The following PARD3 variants were observed in gnomAD, a reference collection of about 807,000 sequenced individuals.
PARD3 encodes the protein partitioning defective 3 homolog.
In PARD3, 75 loss-of-function variants were observed where a neutral mutation model predicts 155.4. That is an observed-to-expected ratio of 0.48 (90% CI 0.40 to 0.58). The LOEUF is 0.58. Among genes scored for constraint, PARD3 ranks in the 20% least tolerant of loss-of-function variants. The pLI, the probability that PARD3 is intolerant of heterozygous loss-of-function variation, is 0.00. For missense variants in PARD3, 1,642 were observed against 1,721.7 expected (o/e 0.95, Z 0.82); for synonymous variants, 576 against 610.5 (o/e 0.94, Z 0.83).
Position 34,815,078 on chromosome 10 carries a change from G to A in PARD3, c.-83C>T. On this transcript the variant is annotated 5_prime_UTR_variant, in exon 1 of 25. Coordinates refer to ENST00000374788, the MANE Select transcript of PARD3 (RefSeq NM_001184785.2). Reference sequence around the variant, plus strand: ...GGCCGGGACCGAGGACGCTGGGCGCGGAGGAGCCGCTGGGGACTCGGGCGC... The same window carrying A: ...GGCCGGGACCGAGGACGCTGGGCGCAGAGGAGCCGCTGGGGACTCGGGCGC... 2.0e-6 allele frequency: 2 copies of A among 1,021,170 alleles called. No individual in the cohort carries two copies. Among genetic ancestry groups the A allele is most frequent in the Non-Finnish European group, 2.4e-6 (2 of 822,446 alleles). 63.3% of individuals were successfully genotyped at this position (1,021,170 alleles called of 1,614,324 possible). A position where few individuals can be genotyped will look rare whatever the true frequency, so the allele number is the denominator to read the frequency against.
intron 20 of PARD3, among the ~76,000 whole-genome samples, chr10:34,308,144 G>C (rs551462244): frequency 3.3e-5 from 5 of 150,180 alleles, no homozygotes; most frequent in African/African-American, 1.0e-4. Context: ...AGGAAAGAGC[G>C]GTAGGGACAA....
rs771053878 is a variant in PARD3 at position 34,696,330 on chromosome 10, G to A, written c.210C>T (p.Asp70=). ...GACCTGAACTCACTCTGTCTTTATC[G>A]TCTGCTACATCACAAAGAATGTCAT... The part of the protein sequence containing the change: ...DLDDILCDVA[D]DKDRLVAVFD... The change falls in exon 2 of 25, where the codon GAC becomes GAT. Residue 70 remains aspartate, a synonymous_variant. Coordinates refer to ENST00000374788, the MANE Select transcript of PARD3 (RefSeq NM_001184785.2). 1.9e-5 allele frequency: 31 copies of A among 1,602,706 alleles called. No individual in the cohort carries two copies. The highest frequency in any genetic ancestry group is 6.7e-5 in the East Asian group (3 of 44,804).
chr10:34,357,794 C>T (rs1457199018), intron 14 of PARD3, among the ~76,000 whole-genome samples: 1 of 152,102 alleles, frequency 6.6e-6, no homozygotes, highest in Non-Finnish European at 1.5e-5. Flanking sequence ...TTAACTCATT[C>T]TACATTTGGC....
At chr10:34,490,574 T>G (rs1197017027) in intron 3 of PARD3, among the ~76,000 whole-genome samples, 1 of 152,238 alleles carries the variant, frequency 6.6e-6, no homozygotes, top group Non-Finnish European at 1.5e-5. Flanking sequence ...ATTACAGGCA[T>G]GAGCCACCAC....
intron 2 of PARD3, among the ~76,000 whole-genome samples, chr10:34,548,805 A>T (rs930633034): frequency 6.6e-6 from 1 of 151,846 alleles, no homozygotes; most frequent in African/African-American, 2.4e-5. Flanking sequence ...AACAAAAATG[A>T]CATTCACTTC....
intron 2 of PARD3, among the ~76,000 whole-genome samples, chr10:34,674,470 C>A (rs75879646): frequency 6.9e-6 from 1 of 145,052 alleles, no homozygotes; most frequent in South Asian, 2.2e-4. Flanking sequence ...ACCACCTGCA[C>A]GCTCTTGATT....
intron 22 of PARD3, among the ~76,000 whole-genome samples, chr10:34,239,705 C>T (rs764772024): frequency 4.0e-5 from 6 of 150,922 alleles, no homozygotes; most frequent in Non-Finnish European, 8.8e-5. Context: ...CAGGAGACTG[C>T]GACAAGAGAA....
intron 1 of PARD3, among the ~76,000 whole-genome samples, chr10:34,723,303 A>G (rs2094638719): frequency 6.6e-6 from 1 of 152,214 alleles, no homozygotes; most frequent in Non-Finnish European, 1.5e-5. Flanking sequence ...GGGGGACAAA[A>G]AAGAAATCAT....
chr10:34,244,475 G>T (rs1294149494), intron 22 of PARD3, among the ~76,000 whole-genome samples: 1 of 152,066 alleles, frequency 6.6e-6, no homozygotes, highest in East Asian at 1.9e-4. Context: ...ACCTGTTCTT[G>T]AATCCAGCAG....
intron 22 of PARD3, among the ~76,000 whole-genome samples, chr10:34,197,520 C>T (rs1951004180): frequency 6.6e-6 from 1 of 152,190 alleles, no homozygotes; most frequent in Non-Finnish European, 1.5e-5. Flanking sequence ...ACAATGTAGA[C>T]ATCATTAATT....
chr10:34,450,814 CTT>C (rs1289166497), intron 4 of PARD3, among the ~76,000 whole-genome samples: 7 of 152,152 alleles, frequency 4.6e-5, no homozygotes, highest in Non-Finnish European at 1.0e-4. Flanking sequence ...GGCATTTTCC[CTT>C]CTTTCCAGTC....
At chr10:34,115,354 C>A (rs1325749162) in intron 24 of PARD3, among the ~76,000 whole-genome samples, 6 of 152,092 alleles carry the variant, frequency 3.9e-5, no homozygotes, top group Non-Finnish European at 8.8e-5. Context: ...AAACCAAGAA[C>A]CTTATTTCTC....
In PARD3 at chr10:34,111,183, G is replaced by A; in HGVS notation, c.4048C>T (p.Pro1350Ser). The change falls in exon 25 of 25, where the codon CCC (proline) becomes TCC (serine). Residue 1350 changes from proline to serine, a missense_variant. Pro to Ser is a moderately conservative substitution (Grantham distance 74). Coordinates refer to ENST00000374788, the MANE Select transcript of PARD3 (RefSeq NM_001184785.2). The part of the protein sequence containing the change: ...NRLQTPEKGR[P>S]FYS Reference sequence around the variant, plus strand: ...TATTTGCGTGCTCAGGAATAGAAGGGCCTCCCTTTCTCAGGAGTCTGAAGT... The same window carrying A: ...TATTTGCGTGCTCAGGAATAGAAGGACCTCCCTTTCTCAGGAGTCTGAAGT... 2 of 1,554,952 alleles carry A rather than the reference G, an allele frequency of 1.3e-6. No homozygotes were observed. The highest frequency in any genetic ancestry group is 1.7e-6 in the Non-Finnish European group (2 of 1,148,090).
At chr10:34,675,871 A>C (rs1433458927) in intron 2 of PARD3, 1 of 200,454 alleles carries the variant, frequency 5.0e-6, no homozygotes, top group Non-Finnish European at 1.1e-5. Context: ...ACACGCGCTC[A>C]TCACAGTTGG....
At chr10:34,678,143 G>A (rs1459437317) in intron 2 of PARD3, among the ~76,000 whole-genome samples, 1 of 151,832 alleles carries the variant, frequency 6.6e-6, no homozygotes, top group East Asian at 1.9e-4. Context: ...GTGCAATCTC[G>A]GCTCACTGCA....
At chr10:34,375,482 T>A (rs930331317) in intron 10 of PARD3, among the ~76,000 whole-genome samples, 9 of 152,094 alleles carry the variant, frequency 5.9e-5, no homozygotes, top group African/African-American at 2.2e-4. Context: ...TACTGATAAA[T>A]ATAAATAAAA....
At chr10:34,306,511 T>A (rs555005240) in intron 20 of PARD3, among the ~76,000 whole-genome samples, 4 of 151,882 alleles carry the variant, frequency 2.6e-5, no homozygotes, top group African/African-American at 9.7e-5. Flanking sequence ...TAGCCAGGTG[T>A]GGTGGTGCAT....
intron 22 of PARD3, among the ~76,000 whole-genome samples, chr10:34,199,018 C>T (rs1951085557): frequency 6.6e-6 from 1 of 152,102 alleles, no homozygotes; most frequent in Non-Finnish European, 1.5e-5. Context: ...TCCAAGCATG[C>T]AACCATGGGC....
intron 7 of PARD3, among the ~76,000 whole-genome samples, chr10:34,385,730 T>C (rs1280994091): frequency 1.3e-5 from 2 of 152,230 alleles, no homozygotes; most frequent in Non-Finnish European, 1.5e-5. Context: ...AATTGTTGTA[T>C]CTGTTCCATG....
Sources: allele counts gnomAD v4.1 joint callset (sites outside exome capture counted in the v4.1 genomes callset), GRCh38; gene constraint gnomAD v4.1.1; transcripts MANE v1.5; gene names NCBI Gene and HGNC (gene_info 2026-07-23, HGNC 2026-07-21).